Variants in STK39 observed in about 807,000 individuals in gnomAD.
STK39 encodes serine/threonine kinase 39.
Under a neutral mutation model 77.8 loss-of-function variants are expected in STK39, and 20 were observed. The observed-to-expected ratio is 0.26, with a 90% confidence interval of 0.18 to 0.37. The LOEUF (loss-of-function observed/expected upper bound fraction) is 0.37, where lower values mean the gene tolerates loss of function less well. STK39 is among the 10% of genes least tolerant of loss of function. The probability of loss-of-function intolerance (pLI) is 1.00; values close to 1 mark genes in which losing one functional copy is unlikely to be tolerated. For synonymous variants in STK39, 246 were observed against 234.1 expected (o/e 1.05, Z -0.47); for missense variants, 479 against 656.5 (o/e 0.73, Z 2.95).
chr2:167,989,558 C>T (rs1216803473), intron 16 of STK39, among the ~76,000 whole-genome samples: 5 of 152,148 alleles, frequency 3.3e-5, no homozygotes, highest in African/African-American at 1.2e-4. Context: ...CAGGTGAGGA[C>T]AGCCAGACAG....
At chr2:168,231,762 G>C (rs938991598) in intron 1 of STK39, among the ~76,000 whole-genome samples, 4 of 152,104 alleles carry the variant, frequency 2.6e-5, no homozygotes, top group African/African-American at 9.7e-5. Context: ...CCTACCACGT[G>C]TCTGGGTGAA....
chr2:168,149,200 C>T (rs1478799391), intron 5 of STK39, among the ~76,000 whole-genome samples: 3 of 151,970 alleles, frequency 2.0e-5, no homozygotes, highest in Admixed American at 6.6e-5. Flanking sequence ...GGTAGTAATA[C>T]AGTACAGGCC....
intron 5 of STK39, among the ~76,000 whole-genome samples, chr2:168,155,818 T>TTCTGCCTCCCTCC (rs1688412614): frequency 2.0e-5 from 3 of 152,236 alleles, no homozygotes; most frequent in Non-Finnish European, 4.4e-5. Context: ...GCTGATATAT[T>TTCTGCCTCCCTCC]CTTACTCATT....
intron 17 of STK39, among the ~76,000 whole-genome samples, chr2:167,957,132 G>C (rs1265166887): frequency 6.6e-6 from 1 of 152,074 alleles, no homozygotes; most frequent in Non-Finnish European, 1.5e-5. Flanking sequence ...TATAATGTTT[G>C]TACCTTGAAT....
intron 5 of STK39, among the ~76,000 whole-genome samples, chr2:168,148,899 T>C (rs546495192): frequency 1.3e-4 from 20 of 152,142 alleles, no homozygotes; most frequent in Non-Finnish European, 1.9e-4. Context: ...CAGGCCTGAA[T>C]GTTAAGTCCC....
intron 16 of STK39, among the ~76,000 whole-genome samples, chr2:167,998,418 G>A (rs968649080): frequency 6.6e-6 from 1 of 152,156 alleles, no homozygotes; most frequent in African/African-American, 2.4e-5. Context: ...AATATTTTAC[G>A]TATTCTGTAC....
intron 2 of STK39, among the ~76,000 whole-genome samples, chr2:168,167,925 T>C (rs1415716007): frequency 6.6e-6 from 1 of 152,224 alleles, no homozygotes; most frequent in East Asian, 1.9e-4. Context: ...TACAGTATTA[T>C]TTCCCAGCTA....
chr2:168,049,296 G>T (rs1685333594), intron 14 of STK39, among the ~76,000 whole-genome samples: 1 of 152,154 alleles, frequency 6.6e-6, no homozygotes, highest in African/African-American at 2.4e-5. Context: ...TCCGATTTCT[G>T]AGTGAACAAA....
intron 16 of STK39, among the ~76,000 whole-genome samples, chr2:167,973,701 A>G (rs1683183122): frequency 1.3e-5 from 2 of 152,346 alleles, no homozygotes; most frequent in Non-Finnish European, 2.9e-5. Flanking sequence ...AGACTGTAAG[A>G]TGGCATAGGA....
rs568500014 is a variant in STK39 at position 168,061,132 on chromosome 2, C to A, written c.1376+2368G>T. ...CTTGGTAGCCCTTTAAAAAAATCAG[C>A]TGTTTTGTTTGGCTGCTGAGTCATG... On this transcript the variant is annotated intron_variant, in intron 14 of 17. Coordinates refer to ENST00000355999, the MANE Select transcript of STK39 (RefSeq NM_013233.3). Among the ~76,000 whole-genome samples, 4 of 151,812 alleles carry A rather than the reference C, an allele frequency of 2.6e-5. No individual in the cohort carries two copies. The South Asian group carries it at 8.3e-4, about 32-fold the overall frequency.
At chr2:168,042,993 G>A (rs1218664074) in intron 14 of STK39, among the ~76,000 whole-genome samples, 2 of 151,950 alleles carry the variant, frequency 1.3e-5, no homozygotes, top group African/African-American at 4.8e-5. Flanking sequence ...TATTTGGTAG[G>A]GGCAGGAGGG....
At chr2:168,018,547 AAAG>A (rs774151860) in intron 14 of STK39, among the ~76,000 whole-genome samples, 20 of 111,916 alleles carry the variant, frequency 1.8e-4, no homozygotes, top group Non-Finnish European at 2.9e-4. Flanking sequence ...GAAAAGAAAG[AAAG>A]AAAGAAAGAA....
chr2:168,046,193 C>T lies in STK39; in HGVS notation c.1376+17307G>A, dbSNP rs552241041. On this transcript the variant is annotated intron_variant, in intron 14 of 17. Coordinates refer to ENST00000355999, the MANE Select transcript of STK39 (RefSeq NM_013233.3). ...CCATCCTGGCCAACATGGTGAAACCCCGCCTTTACTAAAATACAAAAAATT... is the reference window on the plus strand; with the variant it reads ...CCATCCTGGCCAACATGGTGAAACCTCGCCTTTACTAAAATACAAAAAATT... 2.5e-3 allele frequency among the ~76,000 whole-genome samples: 382 copies of T among 152,168 alleles called. 3 individuals carry two copies. The highest frequency in any genetic ancestry group is 8.9e-3 in the African/African-American group (369 of 41,502).
chr2:167,958,277 A>G (rs1045049421), intron 17 of STK39, among the ~76,000 whole-genome samples: 1 of 152,240 alleles, frequency 6.6e-6, no homozygotes, highest in African/African-American at 2.4e-5. Flanking sequence ...TAAATATATT[A>G]TTTGAAATTA....
At chr2:167,996,088 T>C (rs1683831802) in intron 16 of STK39, among the ~76,000 whole-genome samples, 2 of 152,196 alleles carry the variant, frequency 1.3e-5, no homozygotes, top group South Asian at 4.1e-4. Flanking sequence ...TCTTATCTGA[T>C]GAAGTGGGAG....
At chr2:168,235,554 G>A (rs182487712) in intron 1 of STK39, among the ~76,000 whole-genome samples, 4 of 151,394 alleles carry the variant, frequency 2.6e-5, no homozygotes, top group East Asian at 1.9e-4. Flanking sequence ...CCAGTAACTC[G>A]TCATTTAACA....
chr2:168,176,302 C>A (rs532063710), intron 2 of STK39, among the ~76,000 whole-genome samples: 2 of 151,394 alleles, frequency 1.3e-5, no homozygotes, highest in Non-Finnish European at 2.9e-5. Context: ...TTTCTCCCCC[C>A]CTTAAACCTC....
At chr2:168,061,089 T>C (rs1255376714) in intron 14 of STK39, among the ~76,000 whole-genome samples, 3 of 151,968 alleles carry the variant, frequency 2.0e-5, no homozygotes, top group African/African-American at 7.3e-5. Context: ...TTATCTAGAG[T>C]TGCAGTTCAG....
chr2:168,137,411 T>C (rs1295888603), intron 8 of STK39, among the ~76,000 whole-genome samples: 2 of 152,070 alleles, frequency 1.3e-5, no homozygotes, highest in African/African-American at 2.4e-5. Flanking sequence ...CAAAGAACAG[T>C]GGGCTCCATG....
Sources: allele counts gnomAD v4.1 joint callset (sites outside exome capture counted in the v4.1 genomes callset), GRCh38; gene constraint gnomAD v4.1.1; transcripts MANE v1.5; gene names NCBI Gene and HGNC (gene_info 2026-07-23, HGNC 2026-07-21).